C1orf105: variants seen among roughly 807,000 people sequenced by gnomAD.
C1orf105 encodes the protein uncharacterized protein C1orf105.
C1orf105 carries 17 observed loss-of-function variants against 20.8 expected under a neutral mutation model. The observed-to-expected ratio is 0.82, with a 90% CI of 0.56 to 1.23. C1orf105 has a LOEUF of 1.23. Ranked by LOEUF, C1orf105 falls within the 50% of genes most tolerant of loss-of-function variation. The pLI, the probability that C1orf105 is intolerant of heterozygous loss-of-function variation, is 0.00. For missense variants in C1orf105, 219 were observed against 213.5 expected, an observed-to-expected ratio of 1.03 and a Z score of -0.16; for synonymous variants, 72 against 72.1, an observed-to-expected ratio of 1.00 and a Z score of 0.01.
At chr1:172,429,872 A>G (rs115814588) in intron 1 of C1orf105, among the ~76,000 whole-genome samples, 2 of 152,254 alleles carry the variant, frequency 1.3e-5, no homozygotes, top group Non-Finnish European at 2.9e-5. Context: ...AATCCCTCCC[A>G]TACCAACTTT....
In C1orf105 at chr1:172,459,430, A is replaced by G. The variant is rs116456383; in HGVS notation, c.274-2748A>G. On this transcript the variant is annotated intron_variant, in intron 4 of 6. Coordinates refer to ENST00000367727, the MANE Select transcript of C1orf105 (RefSeq NM_139240.4). ...GAAGATCTACAAATGACCAATAAAC[A>G]CATGAAAAGATACTCAACATTATTT... 7.8e-3 allele frequency among the ~76,000 whole-genome samples: 1,195 copies of G among 152,328 alleles called. 21 individuals are homozygous for G. Among genetic ancestry groups the G allele is most frequent in the African/African-American group, 0.027 (1,102 of 41,572 alleles).
chr1:172,424,015 G>C (rs1357188043), intron 1 of C1orf105, among the ~76,000 whole-genome samples: 1 of 152,112 alleles, frequency 6.6e-6, no homozygotes, highest in Non-Finnish European at 1.5e-5. Flanking sequence ...AGTTACTATT[G>C]AATCTAAATA....
intron 4 of C1orf105, among the ~76,000 whole-genome samples, chr1:172,461,377 C>CTTTTT (rs1649679392): frequency 1.3e-5 from 2 of 152,188 alleles, no homozygotes; most frequent in Non-Finnish European, 2.9e-5. Flanking sequence ...TGGTACAAGT[C>CTTTTT]ACTTAGTGAG....
At chr1:172,435,213 T>C (rs558068085) in intron 1 of C1orf105, among the ~76,000 whole-genome samples, 7 of 152,000 alleles carry the variant, frequency 4.6e-5, no homozygotes, top group Non-Finnish European at 8.8e-5. Context: ...TTCCAATCAA[T>C]AGAAAAAGAA....
At chr1:172,429,198 T>G (rs536037530) in intron 1 of C1orf105, among the ~76,000 whole-genome samples, 11 of 150,938 alleles carry the variant, frequency 7.3e-5, no homozygotes, top group Admixed American at 4.7e-4. Flanking sequence ...TCTTACAGGA[T>G]TGCTGTGAGA....
chr1:172,440,394 AC>A (rs368306115), intron 1 of C1orf105, among the ~76,000 whole-genome samples: 25 of 152,360 alleles, frequency 1.6e-4, no homozygotes, highest in African/African-American at 6.0e-4. Context: ...TGATGCTAAT[AC>A]ATAGTGCTTC....
chr1:172,422,128 C>A (rs1266826141), intron 1 of C1orf105, among the ~76,000 whole-genome samples: 1 of 150,884 alleles, frequency 6.6e-6, no homozygotes. Flanking sequence ...GGGGAGCGCA[C>A]GATCTAGTAA....
At chr1:172,423,805 T>C (rs551975408) in intron 1 of C1orf105, among the ~76,000 whole-genome samples, 23 of 150,944 alleles carry the variant, frequency 1.5e-4, no homozygotes, top group Admixed American at 8.6e-4. Context: ...AATTCTGGAG[T>C]TGAAAAATGC....
At chr1:172,461,573 C>T (rs1649696334) in intron 4 of C1orf105, among the ~76,000 whole-genome samples, 4 of 152,180 alleles carry the variant, frequency 2.6e-5, no homozygotes, top group Admixed American at 6.5e-5. Flanking sequence ...ACCGAAAATA[C>T]TGTAACTGTA....
At chr1:172,461,487 A>G (rs757215497) in intron 4 of C1orf105, among the ~76,000 whole-genome samples, 1 of 152,214 alleles carries the variant, frequency 6.6e-6, no homozygotes, top group Non-Finnish European at 1.5e-5. Context: ...CTTCCTAGTG[A>G]AAACATTCTT....
At chr1:172,427,850 C>T (rs1400870518) in intron 1 of C1orf105, among the ~76,000 whole-genome samples, 1 of 152,166 alleles carries the variant, frequency 6.6e-6, no homozygotes, top group African/African-American at 2.4e-5. Flanking sequence ...CTCATTCAGT[C>T]TCACAGCATT....
At chr1:172,455,594 G>T (rs1315667851) in intron 3 of C1orf105, among the ~76,000 whole-genome samples, 1 of 152,198 alleles carries the variant, frequency 6.6e-6, no homozygotes, top group Non-Finnish European at 1.5e-5. Flanking sequence ...TTTTATCAGA[G>T]ATGCAAATGA....
At chr1:172,467,860 A>G (rs1650172523) in intron 6 of C1orf105, among the ~76,000 whole-genome samples, 1 of 152,158 alleles carries the variant, frequency 6.6e-6, no homozygotes, top group Admixed American at 6.5e-5. Flanking sequence ...TTGAATATTA[A>G]CCAACTTTTA....
At chr1:172,428,745 A>G in intron 1 of C1orf105, 1 of 671,572 alleles carries the variant, frequency 1.5e-6, no homozygotes, top group Non-Finnish European at 2.7e-6. Context: ...TCCTCCTGCT[A>G]TAATGTCAGC....
chr1:172,443,953 C>G (rs1051390642), intron 1 of C1orf105: 2 of 999,346 alleles, frequency 2.0e-6, no homozygotes, highest in African/African-American at 3.5e-5. Flanking sequence ...AAAAGGAGCC[C>G]CGGAAACACT....
At chr1:172,449,344 C>T (rs972721367) in intron 3 of C1orf105, among the ~76,000 whole-genome samples, 1 of 152,122 alleles carries the variant, frequency 6.6e-6, no homozygotes, top group Admixed American at 6.5e-5. Context: ...AAACAGGGCA[C>T]AGCACTTGTG....
At chr1:172,444,670 G>T (rs928220994) in intron 1 of C1orf105, among the ~76,000 whole-genome samples, 1 of 152,242 alleles carries the variant, frequency 6.6e-6, no homozygotes, top group South Asian at 2.1e-4. Flanking sequence ...TCAAAGCTTG[G>T]TTTTTTTCCT....
intron 4 of C1orf105, among the ~76,000 whole-genome samples, chr1:172,456,932 G>C (rs773605491): frequency 3.9e-5 from 6 of 152,218 alleles, no homozygotes; most frequent in Non-Finnish European, 8.8e-5. Context: ...AAAGACTGGG[G>C]AGAGAGTCTA....
At chr1:172,446,514 T>C (rs773989177) in intron 2 of C1orf105, among the ~76,000 whole-genome samples, 4 of 152,234 alleles carry the variant, frequency 2.6e-5, no homozygotes, top group Non-Finnish European at 4.4e-5. Context: ...CACTGGGTCT[T>C]CTAACAGTAC....
Sources: gnomAD v4.1 joint callset for allele counts (sites outside exome capture counted in the v4.1 genomes callset) on GRCh38, gnomAD v4.1.1 for gene constraint, MANE v1.5 for transcripts, NCBI Gene and HGNC (gene_info 2026-07-23, HGNC 2026-07-21) for gene names.